The following PLXNA4 variants were observed in gnomAD, a reference collection of about 807,000 sequenced individuals.
The protein encoded by PLXNA4 is plexin A4.
A neutral mutation model predicts 191.8 loss-of-function variants in PLXNA4; 44 were observed. The observed-to-expected ratio is 0.23, with a 90% CI of 0.18 to 0.29. The LOEUF is 0.29. PLXNA4 is among the 10% of genes least tolerant of loss of function. PLXNA4 has a pLI of 1.00. For synonymous variants in PLXNA4, 1,082 were observed against 1,009.5 expected, an observed-to-expected ratio of 1.07 and a Z score of -1.36; for missense variants, 1,800 against 2,488.8, an observed-to-expected ratio of 0.72 and a Z score of 5.89.
intron 4 of PLXNA4, among the ~76,000 whole-genome samples, chr7:132,272,321 A>G (rs1001609500): frequency 6.6e-6 from 1 of 152,268 alleles, no homozygotes; most frequent in Non-Finnish European, 1.5e-5. Flanking sequence ...TAGCTTTACA[A>G]GTACATTACA....
chr7:132,485,422 C>CAGT (rs1797516442), intron 3 of PLXNA4, among the ~76,000 whole-genome samples: 1 of 152,118 alleles, frequency 6.6e-6, no homozygotes, highest in African/African-American at 2.4e-5. Context: ...TAATGTCAGG[C>CAGT]AGTAATTCAC....
At chr7:132,628,969 G>A (rs552961653) in intron 2 of PLXNA4, among the ~76,000 whole-genome samples, 3 of 152,152 alleles carry the variant, frequency 2.0e-5, no homozygotes, top group African/African-American at 4.8e-5. Flanking sequence ...TATGTCCTTG[G>A]CTGTCTATTT....
chr7:132,626,269 G>A (rs76943071), intron 2 of PLXNA4, among the ~76,000 whole-genome samples: 1,683 of 152,250 alleles, frequency 0.011, 45 homozygotes, highest in Non-Finnish European at 9.7e-3. Context: ...TACTGTAGTG[G>A]ACACTGTCAT....
At chr7:132,394,179 C>T (rs1465231944) in intron 3 of PLXNA4, among the ~76,000 whole-genome samples, 1 of 152,094 alleles carries the variant, frequency 6.6e-6, no homozygotes, top group Non-Finnish European at 1.5e-5. Context: ...TGCATACAGC[C>T]CCTGGGCCGG....
chr7:132,630,385 T>C (rs1013914222), intron 2 of PLXNA4, among the ~76,000 whole-genome samples: 8 of 152,232 alleles, frequency 5.3e-5, no homozygotes, highest in African/African-American at 1.9e-4. Flanking sequence ...AAAATCACTT[T>C]GCTTCTTGGT....
intron 10 of PLXNA4, among the ~76,000 whole-genome samples, chr7:132,204,441 A>G (rs1797546803): frequency 6.6e-6 from 1 of 152,226 alleles, no homozygotes; most frequent in Non-Finnish European, 1.5e-5. Context: ...GGATGGAAGA[A>G]TGGAATTGAG....
chr7:132,237,621 C>T (rs1798745515), intron 5 of PLXNA4, among the ~76,000 whole-genome samples: 2 of 152,180 alleles, frequency 1.3e-5, no homozygotes, highest in South Asian at 4.1e-4. Flanking sequence ...CTGCCTTCCT[C>T]AGGTCACGGA....
intron 15 of PLXNA4, among the ~76,000 whole-genome samples, chr7:132,187,053 C>G (rs982101845): frequency 1.3e-5 from 2 of 152,120 alleles, no homozygotes; most frequent in African/African-American, 4.8e-5. Flanking sequence ...CCACCCAGAC[C>G]AGTAACGTGG....
intron 3 of PLXNA4, among the ~76,000 whole-genome samples, chr7:132,366,673 A>T (rs182019214): frequency 3.9e-5 from 6 of 152,366 alleles, no homozygotes; most frequent in Non-Finnish European, 5.9e-5. Context: ...GCAAAGGGCC[A>T]TTTAAATTTT....
intron 4 of PLXNA4, among the ~76,000 whole-genome samples, chr7:132,253,441 C>T (rs1452528038): frequency 1.3e-5 from 2 of 151,998 alleles, no homozygotes; most frequent in East Asian, 1.9e-4. Context: ...GATAGGAGTT[C>T]ACCATGTTGG....
Position 132,256,066 on chromosome 7 carries a change from C to T in PLXNA4, c.1504-14900G>A, listed in dbSNP as rs564887140. 3.2e-4 allele frequency among the ~76,000 whole-genome samples: 48 copies of T among 152,280 alleles called. 1 individual carries two copies. The highest frequency in any genetic ancestry group is 1.1e-3 in the African/African-American group (45 of 41,558). ...TGGCTCCTAGCCAAGTACAAGAGGC[C>T]GTGCTGTGTGCCGGCATGTTGGGAC... On this transcript the variant is annotated intron_variant, in intron 4 of 31. Transcript: ENST00000321063.
chr7:132,223,058 C>T (rs1442728915), intron 9 of PLXNA4, among the ~76,000 whole-genome samples: 1 of 152,188 alleles, frequency 6.6e-6, no homozygotes, highest in African/African-American at 2.4e-5. Flanking sequence ...AAAACCACCG[C>T]TCTAGCTCAC....
At chr7:132,612,456 T>C (rs1803068228) in intron 2 of PLXNA4, among the ~76,000 whole-genome samples, 1 of 151,004 alleles carries the variant, frequency 6.6e-6, no homozygotes, top group Non-Finnish European at 1.5e-5. Flanking sequence ...AGGTCAGGAG[T>C]TCAAGACCAG....
intron 2 of PLXNA4, 71 bp downstream of exon 2, chr7:132,507,435 T>C (rs1003996351): frequency 6.7e-7 from 1 of 1,485,154 alleles, no homozygotes; most frequent in Non-Finnish European, 9.1e-7. Context: ...ACACATCCCA[T>C]GGGGGCTACA....
chr7:132,481,698 A>G (rs1382229070), intron 3 of PLXNA4, among the ~76,000 whole-genome samples: 1 of 152,194 alleles, frequency 6.6e-6, no homozygotes, highest in African/African-American at 2.4e-5. Context: ...GCCTCCCCAC[A>G]GAGGCCAAAG....
intron 1 of PLXNA4, among the ~76,000 whole-genome samples, chr7:132,549,622 C>CT (rs1379562996): frequency 1.3e-5 from 2 of 152,168 alleles, no homozygotes; most frequent in Non-Finnish European, 2.9e-5. Context: ...TTCCGTGCTT[C>CT]TGGGAGGGTC....
chr7:132,309,010 TA>T (rs948936299), intron 3 of PLXNA4, among the ~76,000 whole-genome samples: 3 of 152,052 alleles, frequency 2.0e-5, no homozygotes, highest in African/African-American at 7.2e-5. Flanking sequence ...ACCCACAGCT[TA>T]GCTCTGGGCT....
chr7:132,555,619 C>T (rs1585327309), intron 1 of PLXNA4, among the ~76,000 whole-genome samples: 1 of 152,310 alleles, frequency 6.6e-6, no homozygotes, highest in East Asian at 1.9e-4. Context: ...TTATTTTACT[C>T]TTTTAATGAT....
chr7:132,525,140 T>A (rs1799349789), intron 1 of PLXNA4, among the ~76,000 whole-genome samples: 1 of 152,202 alleles, frequency 6.6e-6, no homozygotes, highest in South Asian at 2.1e-4. Flanking sequence ...CTATCCTAGG[T>A]ATCTCATATG....
Sources: gnomAD v4.1 joint callset for allele counts (sites outside exome capture counted in the v4.1 genomes callset) on GRCh38, gnomAD v4.1.1 for gene constraint, MANE v1.5 for transcripts, NCBI Gene and HGNC (gene_info 2026-07-23, HGNC 2026-07-21) for gene names.